The following FER variants were observed in gnomAD, a reference collection of about 807,000 sequenced individuals.
FER encodes the protein tyrosine-protein kinase Fer.
FER carries 63 observed loss-of-function variants against 111.0 expected under a neutral mutation model. The ratio of observed to expected loss-of-function variants is 0.57; its 90% CI spans 0.46 to 0.70. The LOEUF (loss-of-function observed/expected upper bound fraction) is 0.70, where lower values mean the gene tolerates loss of function less well. FER is among the 30% of genes least tolerant of loss of function. The pLI, the probability that FER is intolerant of heterozygous loss-of-function variation, is 0.00. For missense variants in FER, 914 were observed against 954.0 expected, an observed-to-expected ratio of 0.96 and a Z score of 0.55; for synonymous variants, 327 against 313.9, an observed-to-expected ratio of 1.04 and a Z score of -0.44.
At chr5:109,095,343 C>T (rs774683811) in intron 16 of FER, among the ~76,000 whole-genome samples, 14 of 151,930 alleles carry the variant, frequency 9.2e-5, no homozygotes, top group Non-Finnish European at 1.9e-4. Flanking sequence ...CTCATCTTGC[C>T]CCACAAACCG....
In FER at chr5:109,187,469, A is replaced by G; in HGVS notation, c.2363A>G (p.Asp788Gly). The part of the protein sequence containing the change: ...RMSAPQHCPE[D>G]ISKIMMKCWD... ...TCAGCTCCCCAGCACTGTCCAGAGG[A>G]TATTTCCAAAATCATGATGAAGTGT... The change falls in exon 20 of 20, where the codon GAT (aspartate) becomes GGT (glycine). Residue 788 changes from aspartate to glycine, a missense_variant. By Grantham distance (94) the Asp-to-Gly change is moderately conservative. This residue lies in a region of FER where 134 missense variants were observed against 149.4 expected (regional missense o/e 0.90). Transcript: ENST00000281092. 1 of 1,614,114 alleles carries G rather than the reference A, an allele frequency of 6.2e-7. No homozygotes were observed. The highest frequency in any genetic ancestry group is 8.5e-7 in the Non-Finnish European group (1 of 1,179,992).
chr5:108,983,670 T>G (rs1762245537), intron 13 of FER, among the ~76,000 whole-genome samples: 2 of 152,074 alleles, frequency 1.3e-5, no homozygotes, highest in African/African-American at 4.8e-5. Flanking sequence ...TCATCTGAAG[T>G]CTGTGGGTGA....
chr5:109,110,613 A>G (rs1462594129), intron 17 of FER, among the ~76,000 whole-genome samples: 2 of 152,120 alleles, frequency 1.3e-5, no homozygotes, highest in African/African-American at 2.4e-5. Context: ...TTCCAGGTTT[A>G]TGAAGAATCA....
At chr5:108,880,685 C>A (rs965123284) in intron 8 of FER, among the ~76,000 whole-genome samples, 4 of 151,748 alleles carry the variant, frequency 2.6e-5, no homozygotes, top group Non-Finnish European at 4.4e-5. Context: ...CCATGATATT[C>A]AAAAACATAA....
intron 13 of FER, among the ~76,000 whole-genome samples, chr5:109,013,442 G>A (rs897820367): frequency 1.1e-4 from 16 of 151,582 alleles, no homozygotes; most frequent in South Asian, 6.3e-4. Flanking sequence ...GTATTCCACG[G>A]TGTATATGTG....
intron 13 of FER, among the ~76,000 whole-genome samples, chr5:108,972,784 G>A (rs1467223515): frequency 6.6e-6 from 1 of 152,032 alleles, no homozygotes; most frequent in East Asian, 1.9e-4. Flanking sequence ...AGAAATTTTG[G>A]CTTTTAACGA....
At chr5:108,918,243 C>G (rs2149544335) in intron 10 of FER, among the ~76,000 whole-genome samples, 1 of 152,268 alleles carries the variant, frequency 6.6e-6, no homozygotes, top group Non-Finnish European at 1.5e-5. Context: ...GATAGAATTT[C>G]TTACTGGAGG....
intron 16 of FER, among the ~76,000 whole-genome samples, chr5:109,092,807 C>T (rs1746990840): frequency 6.6e-6 from 1 of 152,168 alleles, no homozygotes; most frequent in Admixed American, 6.6e-5. Context: ...TACGGTTACA[C>T]TTGTGTTCAT....
intron 3 of FER, among the ~76,000 whole-genome samples, chr5:108,827,934 A>G (rs571472204): frequency 9.3e-5 from 14 of 151,186 alleles, no homozygotes; most frequent in East Asian, 1.9e-4. Flanking sequence ...GCTTAAGGGA[A>G]TCTTCCAACC....
At chr5:109,003,729 C>T (rs1765129703) in intron 13 of FER, among the ~76,000 whole-genome samples, 2 of 152,000 alleles carry the variant, frequency 1.3e-5, no homozygotes, top group Non-Finnish European at 2.9e-5. Context: ...CATGTAATCC[C>T]AGCACTTTGG....
At chr5:109,119,739 A>AGT (rs1750727786) in intron 17 of FER, among the ~76,000 whole-genome samples, 1 of 152,050 alleles carries the variant, frequency 6.6e-6, no homozygotes, top group Non-Finnish European at 1.5e-5. Context: ...TCCTACAGAT[A>AGT]GTGTACCAAG....
chr5:109,037,300 T>G (rs563702049), intron 13 of FER, 122 bp from the exon 14 acceptor site: 43 of 707,998 alleles, frequency 6.1e-5, no homozygotes, highest in Non-Finnish European at 9.8e-5. Context: ...CTTCTCAGTG[T>G]GCTGTTGATT....
At chr5:108,975,860 GT>G (rs1338691655) in intron 13 of FER, among the ~76,000 whole-genome samples, 1 of 152,146 alleles carries the variant, frequency 6.6e-6, no homozygotes, top group Non-Finnish European at 1.5e-5. Flanking sequence ...TTACCTTCAG[GT>G]TTATAATTCA....
intron 9 of FER, among the ~76,000 whole-genome samples, chr5:108,886,001 T>C (rs975067636): frequency 3.3e-5 from 5 of 151,970 alleles, no homozygotes; most frequent in Admixed American, 2.6e-4. Flanking sequence ...CACATGTTTA[T>C]AGATGACCAA....
chr5:109,116,937 T>A (rs567842580), intron 17 of FER, among the ~76,000 whole-genome samples: 1 of 152,248 alleles, frequency 6.6e-6, no homozygotes, highest in East Asian at 1.9e-4. Context: ...AGAATATGAA[T>A]AGAATTTTTA....
intron 13 of FER, among the ~76,000 whole-genome samples, chr5:109,035,360 T>C (rs898511145): frequency 6.6e-6 from 1 of 152,204 alleles, no homozygotes; most frequent in East Asian, 1.9e-4. Flanking sequence ...TAGATTGTCC[T>C]TCTCTAGAAT....
intron 17 of FER, among the ~76,000 whole-genome samples, chr5:109,163,434 T>C (rs571120365): frequency 3.3e-5 from 5 of 152,176 alleles, no homozygotes; most frequent in South Asian, 4.2e-4. Context: ...TGGAAAAAAA[T>C]TACATTTAGC....
At chr5:109,051,598 A>G in intron 16 of FER, 2 of 1,604,200 alleles carry the variant, frequency 1.2e-6, no homozygotes, top group African/African-American at 2.7e-5. Flanking sequence ...GCCATTAACC[A>G]GCTTGTACCC....
In FER at chr5:108,819,044, C is replaced by G. The variant is rs74629368; in HGVS notation, c.208-13726C>G. Reference sequence around the variant, plus strand: ...TCTTTTTTATTTTTAGAAACAGGGTCTAGCTCTGTCGCTTAGGCTGGAGTG... The same window carrying G: ...TCTTTTTTATTTTTAGAAACAGGGTGTAGCTCTGTCGCTTAGGCTGGAGTG... On this transcript the variant is annotated intron_variant, in intron 3 of 19. Transcript: ENST00000281092. Among the ~76,000 whole-genome samples the G allele has an allele frequency of 6.2e-3, 941 of 152,200 alleles. 15 individuals are homozygous for G. Among genetic ancestry groups the G allele is most frequent in the African/African-American group, 0.022 (907 of 41,536 alleles).
Sources: allele counts gnomAD v4.1 joint callset (sites outside exome capture counted in the v4.1 genomes callset), GRCh38; gene constraint gnomAD v4.1.1; regional missense constraint gnomAD v4.1.1; transcripts MANE v1.5; gene names NCBI Gene and HGNC (gene_info 2026-07-23, HGNC 2026-07-21).